The following MGARP variants were observed in gnomAD, a reference collection of about 807,000 sequenced individuals.
MGARP encodes the protein protein MGARP.
In MGARP, 12 loss-of-function variants were observed where a neutral mutation model predicts 11.0. That is an observed-to-expected ratio of 1.09 (90% CI 0.70 to 1.77). MGARP has a LOEUF of 1.77. Among genes scored for constraint, MGARP ranks in the 40% most tolerant of loss-of-function variants. The pLI, the probability that MGARP is intolerant of heterozygous loss-of-function variation, is 0.00. For synonymous variants in MGARP, 110 were observed against 115.4 expected (o/e 0.95, Z 0.30); for missense variants, 283 against 297.8 (o/e 0.95, Z 0.36).
chr4:139,279,570 G>T (rs1405940401), intron 1 of MGARP, among the ~76,000 whole-genome samples: 1 of 152,114 alleles, frequency 6.6e-6, no homozygotes, highest in Non-Finnish European at 1.5e-5. Flanking sequence ...TTCGCCCAGC[G>T]TCCACTGAGC....
intron 1 of MGARP, among the ~76,000 whole-genome samples, chr4:139,276,106 CA>C (rs1560932927): frequency 6.6e-6 from 1 of 152,124 alleles, no homozygotes; most frequent in African/African-American, 2.4e-5. Context: ...GAAATTTTTA[CA>C]ATAAACTTAA....
chr4:139,266,732 G>A lies in MGARP; in HGVS notation c.590C>T (p.Thr197Ile), dbSNP rs1481134786. The change falls in exon 4 of 4, where the codon ACA (threonine) becomes ATA (isoleucine). Residue 197 changes from threonine to isoleucine, a missense_variant. Coordinates refer to ENST00000398955, the MANE Select transcript of MGARP (RefSeq NM_032623.4). ...ATATTCATCAGAGGTTTCGTTCTTT[G>A]TTGTATCTTTATCATTATCGATGGT... Reference protein sequence around the residue: ...AVTIDNDKDTTKNETSDEYAE... With the variant: ...AVTIDNDKDTIKNETSDEYAE... 6.2e-6 allele frequency: 10 copies of A among 1,614,020 alleles called. No individual in the cohort carries two copies. The highest frequency in any genetic ancestry group is 1.3e-5 in the African/African-American group (1 of 74,904).
chr4:139,268,931 C>CT (rs1744736513), intron 2 of MGARP, among the ~76,000 whole-genome samples, 166 bp from the exon 3 acceptor site: 1 of 152,124 alleles, frequency 6.6e-6, no homozygotes, highest in Admixed American at 6.6e-5. Context: ...CTTTTACTTC[C>CT]CTTTTGGAAA....
chr4:139,275,312 T>C lies in MGARP; in HGVS notation c.163A>G (p.Thr55Ala), dbSNP rs145457392. The change falls in exon 2 of 4, where the codon ACA (threonine) becomes GCA (alanine). Residue 55 changes from threonine (T) to alanine (A), a missense_variant. Coordinates refer to ENST00000398955, the MANE Select transcript of MGARP (RefSeq NM_032623.4). ...ACATAATATCCACCAGCACTGACTGTGACGCCTACAACCAGATAATAAATC... is the reference window on the plus strand; with the variant it reads ...ACATAATATCCACCAGCACTGACTGCGACGCCTACAACCAGATAATAAATC... ...NMIYYLVVGV[T>A]VSAGGYYAYK... is the part of the protein sequence containing the mutation. 5.1e-5 allele frequency: 83 copies of C among 1,613,984 alleles called. 1 individual carries two copies. The highest frequency in any genetic ancestry group is 5.0e-4 in the Middle Eastern group (3 of 6,060).
At chr4:139,275,745 C>G (rs1415735160) in intron 1 of MGARP, among the ~76,000 whole-genome samples, 4 of 152,198 alleles carry the variant, frequency 2.6e-5, no homozygotes, top group Non-Finnish European at 5.9e-5. Context: ...TACTCCACTA[C>G]AGGATTCAGT....
intron 2 of MGARP, among the ~76,000 whole-genome samples, chr4:139,270,319 G>GAAAGA (rs1247846864): frequency 6.8e-6 from 1 of 146,508 alleles, no homozygotes; most frequent in Non-Finnish European, 1.5e-5. Context: ...AAAAAAGAAA[G>GAAAGA]AAAGAAAAGA....
Position 139,277,331 on chromosome 4 carries a change from G to A in MGARP, c.83-1939C>T, listed in dbSNP as rs138453774. Among the ~76,000 whole-genome samples, 226 of 152,194 alleles carry A rather than the reference G, an allele frequency of 1.5e-3. 2 individuals carry two copies. Among genetic ancestry groups the A allele is most frequent in the African/African-American group, 5.0e-3 (207 of 41,532 alleles). On this transcript the variant is annotated intron_variant, in intron 1 of 3. Coordinates refer to ENST00000398955, the MANE Select transcript of MGARP (RefSeq NM_032623.4). Reference sequence around the variant, plus strand: ...GTTCTTAGTTTGGATATAAATGGCCGTTTCTTGGAAAAAAATTTTTTTCCT... The same window carrying A: ...GTTCTTAGTTTGGATATAAATGGCCATTTCTTGGAAAAAAATTTTTTTCCT...
intron 1 of MGARP, among the ~76,000 whole-genome samples, chr4:139,278,656 A>G (rs1439002957): frequency 2.0e-5 from 3 of 152,180 alleles, no homozygotes; most frequent in African/African-American, 7.2e-5. Context: ...AGATAAAACG[A>G]AAGGCCACGG....
chr4:139,269,630 C>CA (rs56142345), intron 2 of MGARP, among the ~76,000 whole-genome samples: 30,949 of 81,130 alleles, frequency 0.38, 4,375 homozygotes, highest in African/African-American at 0.42. Context: ...GACTCCATCT[C>CA]AAAAAAAAAA....
At chr4:139,271,371 C>G (rs1744778323) in intron 2 of MGARP, among the ~76,000 whole-genome samples, 1 of 151,984 alleles carries the variant, frequency 6.6e-6, no homozygotes, top group African/African-American at 2.4e-5. Flanking sequence ...ACTAAAAATA[C>G]AAAAATTAGC....
In MGARP at chr4:139,266,967, C is replaced by T. The variant is rs1384003139; in HGVS notation, c.355G>A (p.Val119Met). 5.0e-6 allele frequency: 8 copies of T among 1,614,210 alleles called. No individual in the cohort carries two copies. Among genetic ancestry groups the T allele is most frequent in the Non-Finnish European group, 6.8e-6 (8 of 1,180,030 alleles). The part of the protein sequence containing the change: ...APEELIVEAE[V>M]VDAEESPSAT... ...CTGGGACTTTCTTCAGCATCTACCA[C>T]CTCAGCTTCCACTATAAGTTCTTCT... Residue 119 changes from valine (V) to methionine (M), a missense_variant, in exon 4 of 4, where the codon GTG (valine) becomes ATG (methionine). Transcript: ENST00000398955.
intron 3 of MGARP, among the ~76,000 whole-genome samples, chr4:139,268,134 G>C (rs1744724207): frequency 6.6e-6 from 1 of 150,382 alleles, no homozygotes; most frequent in South Asian, 2.1e-4. Flanking sequence ...GGGAAAGGAA[G>C]GGGGAAGGAA....
chr4:139,273,554 A>T (rs1291170227), intron 2 of MGARP, among the ~76,000 whole-genome samples: 2 of 123,940 alleles, frequency 1.6e-5, no homozygotes. Flanking sequence ...TGGCTCTCTC[A>T]CCCAGCCTGG....
intron 1 of MGARP, 40 bp downstream of exon 1, chr4:139,280,037 G>A (rs764153617): frequency 6.2e-7 from 1 of 1,603,464 alleles, no homozygotes; most frequent in Non-Finnish European, 8.5e-7. Flanking sequence ...CTGCACCCGA[G>A]GCGCCCGTCC....
rs552018117 is a variant in MGARP at position 139,274,727 on chromosome 4, C to A, written c.186+562G>T. On this transcript the variant is annotated intron_variant, in intron 2 of 3. Coordinates refer to ENST00000398955, the MANE Select transcript of MGARP (RefSeq NM_032623.4). ...CGAACTCCTGACCTTAGGTGATCCA[C>A]CTGCCTCAGCCTCCCAAAGTGCTGG... 1.6e-4 allele frequency among the ~76,000 whole-genome samples: 24 copies of A among 152,318 alleles called. No homozygotes were observed. The East Asian group carries it at 4.6e-3, about 29-fold the overall frequency.
intron 2 of MGARP, among the ~76,000 whole-genome samples, chr4:139,273,461 C>T (rs1468923448): frequency 2.0e-5 from 3 of 151,782 alleles, no homozygotes; most frequent in Non-Finnish European, 4.4e-5. Context: ...GGACTCAAGC[C>T]TCCCAAAGTG....
Position 139,267,017 on chromosome 4 carries a change from G to A in MGARP, c.305C>T (p.Thr102Ile). 4 of 1,613,672 alleles carry A rather than the reference G, an allele frequency of 2.5e-6. No individual in the cohort carries two copies. The highest frequency in any genetic ancestry group is 3.4e-6 in the Non-Finnish European group (4 of 1,179,766). ...TGGGGCTTCTGAACTTGCTTTCTCA[G>A]TTTCCGCAACATTCTCCTTTTCACC... is the stretch of plus-strand genomic sequence containing the variant. The part of the protein sequence containing the change: ...FQGEKENVAE[T>I]EKASSEAPEE... The change falls in exon 4 of 4, where the codon ACT becomes ATT. Residue 102 changes from threonine (T) to isoleucine (I), a missense_variant. Coordinates refer to ENST00000398955, the MANE Select transcript of MGARP (RefSeq NM_032623.4).
At chr4:139,268,359 TG>T (rs1744728410) in intron 3 of MGARP, among the ~76,000 whole-genome samples, 1 of 152,092 alleles carries the variant, frequency 6.6e-6, no homozygotes, top group African/African-American at 2.4e-5. Context: ...ATGAGAAAAA[TG>T]AAAGCTCATG....
At position 139,266,522 on chromosome 4, in the gene MGARP, C is replaced by A; in HGVS notation, c.*77G>T. The A allele has an allele frequency of 3.2e-6, 4 of 1,240,846 alleles. No homozygotes were observed. Among genetic ancestry groups the A allele is most frequent in the East Asian group, 5.1e-5 (2 of 39,498 alleles). 76.9% of individuals were successfully genotyped at this position (1,240,846 alleles called of 1,614,324 possible). On this transcript the variant is annotated 3_prime_UTR_variant, in exon 4 of 4. Coordinates refer to ENST00000398955, the MANE Select transcript of MGARP (RefSeq NM_032623.4). Reference sequence around the variant, plus strand: ...GAAAATAAGTCTTTTTTTTTTTAAACTAAGTGTACTAAAAACACAAAAGCA... The same window carrying A: ...GAAAATAAGTCTTTTTTTTTTTAAAATAAGTGTACTAAAAACACAAAAGCA...
Sources: allele counts gnomAD v4.1 joint callset (sites outside exome capture counted in the v4.1 genomes callset), GRCh38; gene constraint gnomAD v4.1.1; transcripts MANE v1.5; gene names NCBI Gene and HGNC (gene_info 2026-07-23, HGNC 2026-07-21).